The following MDN1 variants were observed in gnomAD, a reference collection of about 807,000 sequenced individuals.
The protein encoded by MDN1 is midasin.
Under a neutral mutation model 669.2 loss-of-function variants are expected in MDN1, and 266 were observed. That is an observed-to-expected ratio of 0.40 (90% CI 0.36 to 0.44). The LOEUF (loss-of-function observed/expected upper bound fraction) is 0.44. Among genes scored for constraint, MDN1 ranks in the 20% least tolerant of loss-of-function variants. MDN1 has a pLI of 1.00. For synonymous variants in MDN1, 2,385 were observed against 2,457.1 expected (o/e 0.97, Z 0.87); for missense variants, 5,940 against 6,754.0 (o/e 0.88, Z 4.22).
chr6:89,698,347 GA>G (rs1395729509), intron 59 of MDN1, among the ~76,000 whole-genome samples: 1 of 152,190 alleles, frequency 6.6e-6, no homozygotes, highest in Non-Finnish European at 1.5e-5. Context: ...TAGGAAGAGG[GA>G]GAAAATGCAA....
At chr6:89,779,820 C>T (rs991273330) in intron 11 of MDN1, among the ~76,000 whole-genome samples, 1 of 152,162 alleles carries the variant, frequency 6.6e-6, no homozygotes, top group Non-Finnish European at 1.5e-5. Flanking sequence ...AATCCCAGCA[C>T]TCTGGGAGGC....
At chr6:89,762,758 G>A (rs1210534608) in intron 15 of MDN1, among the ~76,000 whole-genome samples, 1 of 152,136 alleles carries the variant, frequency 6.6e-6, no homozygotes, top group African/African-American at 2.4e-5. Context: ...GATAAACAGT[G>A]TTATGAAAAA....
chr6:89,745,004 T>C (rs1246967524), intron 29 of MDN1, among the ~76,000 whole-genome samples: 3 of 150,618 alleles, frequency 2.0e-5, no homozygotes, highest in African/African-American at 7.3e-5. Context: ...ATGTGCAGAA[T>C]GTGCAGGCTT....
At position 89,810,018 on chromosome 6, in the gene MDN1, A is replaced by AT. The variant is rs1562242861; in HGVS notation, c.103-6465_103-6464insA. Among the ~76,000 whole-genome samples the AT allele has an allele frequency of 7.3e-5, 9 of 122,814 alleles. 1 individual carries two copies. Among genetic ancestry groups the AT allele is most frequent in the East Asian group, 2.1e-4 (1 of 4,676 alleles). The allele number at this position is 122,814 out of a possible 152,430, so 80.6% of individuals were successfully genotyped here. A position where few individuals can be genotyped will look rare whatever the true frequency, so the allele number is the denominator to read the frequency against. On this transcript the variant is annotated intron_variant, in intron 1 of 101. Coordinates refer to ENST00000369393, the MANE Select transcript of MDN1 (RefSeq NM_014611.3). ...TAAAAAAAAAAAAAAAAAAAAAAAA[A>AT]AAAAAAAATTAAGTTTGGAAGATTA...
At chr6:89,783,256 C>G (rs1010517040) in intron 9 of MDN1, among the ~76,000 whole-genome samples, 2 of 151,918 alleles carry the variant, frequency 1.3e-5, no homozygotes, top group Non-Finnish European at 2.9e-5. Context: ...ATATTAATAC[C>G]CCGGGAAAGG....
chr6:89,801,139 T>C (rs1284324962), intron 2 of MDN1, among the ~76,000 whole-genome samples: 1 of 152,212 alleles, frequency 6.6e-6, no homozygotes, highest in Non-Finnish European at 1.5e-5. Flanking sequence ...CTCATGTCTG[T>C]AATCCCAGCA....
intron 10 of MDN1, among the ~76,000 whole-genome samples, chr6:89,780,668 CAG>C (rs775765396): frequency 3.1e-4 from 40 of 128,926 alleles, no homozygotes; most frequent in Admixed American, 6.2e-4. Context: ...TTTTTGGAGA[CAG>C]AGTCTCACTC....
At chr6:89,786,486 A>G (rs1422137586) in intron 8 of MDN1, among the ~76,000 whole-genome samples, 2 of 151,926 alleles carry the variant, frequency 1.3e-5, no homozygotes, top group Non-Finnish European at 2.9e-5. Flanking sequence ...GTACCCCTGT[A>G]GTCCTAGCTA....
Position 89,688,066 on chromosome 6 carries a change from G to T in MDN1, c.11355+12C>A. ...CCACCAACTAAAATGAGGAAGAGAG[G>T]TATTAGCTCACCTGTGCCTTTGCCA... On this transcript the variant is annotated intron_variant, in intron 67 of 101. Coordinates refer to ENST00000369393, the MANE Select transcript of MDN1 (RefSeq NM_014611.3). 6.2e-7 allele frequency: 1 copy of T among 1,604,022 alleles called. No homozygotes were observed.
rs539619787 is a variant in MDN1 at position 89,764,978 on chromosome 6, G to A, written c.2145-2448C>T. 2.6e-5 allele frequency among the ~76,000 whole-genome samples: 4 copies of A among 152,286 alleles called. No homozygotes were observed. In the South Asian group the frequency reaches 8.3e-4, roughly 32 times the overall value. ...TCCATAAAAAATTATACTTTACTGG[G>A]CTGGGCGCGGTGGCTCACGCGGTGG... On this transcript the variant is annotated intron_variant, in intron 15 of 101. Transcript: ENST00000369393.
chr6:89,783,012 A>T (rs185974797), intron 9 of MDN1, among the ~76,000 whole-genome samples: 128 of 152,342 alleles, frequency 8.4e-4, no homozygotes, highest in African/African-American at 2.9e-3. Context: ...CAACTGTGTT[A>T]ACTGTACAAA....
At chr6:89,688,476 T>C (rs1235025545) in intron 66 of MDN1, 97 bp downstream of exon 66, 1 of 1,069,104 alleles carries the variant, frequency 9.4e-7, no homozygotes, top group Non-Finnish European at 1.4e-6. Context: ...TTTATATGTA[T>C]ATATGTGCAA....
intron 13 of MDN1, among the ~76,000 whole-genome samples, chr6:89,773,433 G>A (rs1228518637): frequency 1.3e-5 from 2 of 151,580 alleles, no homozygotes; most frequent in African/African-American, 2.4e-5. Flanking sequence ...CCAGCTACTC[G>A]GGAGGCTGAG....
In MDN1 at chr6:89,652,286, A is replaced by G. The variant is rs533132793; in HGVS notation, c.15826-5T>C. 6.2e-7 allele frequency: 1 copy of G among 1,612,354 alleles called. No individual in the cohort carries two copies. Among genetic ancestry groups the G allele is most frequent in the East Asian group, 2.2e-5 (1 of 44,884 alleles). The stretch of plus-strand genomic sequence containing the variant: ...ATTGACATCTTTTAAAAAGGGCTAA[A>G]AAGAAAAAGCCATAGATAAGAGGTG... On this transcript the variant is annotated splice_region_variant and splice_polypyrimidine_tract_variant and intron_variant, in intron 94 of 101. Coordinates refer to ENST00000369393, the MANE Select transcript of MDN1 (RefSeq NM_014611.3).
rs1278137037 is a variant in MDN1, at chr6:89,707,378, G to C, written c.7997C>G (p.Ser2666Cys). ...KKLRESVLRM[S>C]FEFHQDPESY... ...GTTCTTACCTTGATGGAATTCAAAG[G>C]ACATTCTCAAAACACTCTCTCTTAG... Residue 2666 changes from serine to cysteine, a missense_variant, in exon 52 of 102, where the codon TCC (serine) becomes TGC (cysteine). Ser to Cys is a moderately radical substitution (Grantham distance 112). Transcript: ENST00000369393. The C allele has an allele frequency of 1.2e-6, 2 of 1,610,516 alleles. No individual in the cohort carries two copies. The highest frequency in any genetic ancestry group is 2.2e-5 in the East Asian group (1 of 44,868).
intron 49 of MDN1, among the ~76,000 whole-genome samples, chr6:89,711,535 G>T (rs938257704): frequency 6.6e-6 from 1 of 151,952 alleles, no homozygotes; most frequent in African/African-American, 2.4e-5. Flanking sequence ...TAGCGTCCAC[G>T]TATGTTGATG....
intron 36 of MDN1, among the ~76,000 whole-genome samples, chr6:89,728,385 A>G (rs1483446501): frequency 1.3e-5 from 2 of 152,248 alleles, no homozygotes; most frequent in South Asian, 2.1e-4. Context: ...TTATATTACA[A>G]TAAATACCAA....
At chr6:89,736,574 C>A (rs544817180) in intron 33 of MDN1, among the ~76,000 whole-genome samples, 1 of 152,070 alleles carries the variant, frequency 6.6e-6, no homozygotes, top group Non-Finnish European at 1.5e-5. Flanking sequence ...GCGGGTCACT[C>A]GAGCCCAGGA....
intron 27 of MDN1, among the ~76,000 whole-genome samples, chr6:89,746,639 GAAAGAAAGAAAA>G (rs1406909806): frequency 8.5e-5 from 10 of 117,300 alleles, no homozygotes; most frequent in East Asian, 6.0e-4. Flanking sequence ...AAGAAAGAAA[GAAAGAAAGAAAA>G]AAAGTTTTTA....
Sources: allele counts gnomAD v4.1 joint callset (sites outside exome capture counted in the v4.1 genomes callset), GRCh38; gene constraint gnomAD v4.1.1; transcripts MANE v1.5; gene names NCBI Gene and HGNC (gene_info 2026-07-23, HGNC 2026-07-21).